Variants in TRUB1 observed in about 807,000 individuals in gnomAD.
TRUB1 encodes pseudouridylate synthase TRUB1.
In TRUB1, 23 loss-of-function variants were observed where a neutral mutation model predicts 33.9. The ratio of observed to expected loss-of-function variants is 0.68; its 90% CI spans 0.49 to 0.96. TRUB1 has a LOEUF of 0.96. TRUB1 is among the 40% of genes least tolerant of loss of function. The probability of loss-of-function intolerance (pLI) is 0.00; values close to 1 mark genes in which losing one functional copy is unlikely to be tolerated. For missense variants in TRUB1, 378 were observed against 422.2 expected (o/e 0.90, Z 0.92); for synonymous variants, 163 against 165.4 (o/e 0.99, Z 0.11).
At chr10:114,955,427 A>G (rs2084257772) in intron 3 of TRUB1, among the ~76,000 whole-genome samples, 2 of 152,226 alleles carry the variant, frequency 1.3e-5, no homozygotes, top group African/African-American at 4.8e-5. Context: ...ACCAGATGGA[A>G]AGGTTATGAA....
intron 4 of TRUB1, among the ~76,000 whole-genome samples, chr10:114,964,901 C>G (rs1188213902): frequency 6.7e-6 from 1 of 149,242 alleles, no homozygotes; most frequent in Non-Finnish European, 1.5e-5. Context: ...GTCCTTCCTG[C>G]TTTATTTCTT....
intron 4 of TRUB1, among the ~76,000 whole-genome samples, chr10:114,963,125 G>GT (rs777049047): frequency 2.0e-4 from 31 of 152,282 alleles, no homozygotes; most frequent in Non-Finnish European, 3.4e-4. Context: ...ACTGGGAGTA[G>GT]TTTTTTCTGT....
chr10:114,951,013 A>G lies in TRUB1; in HGVS notation c.386-81A>G. ...CACTTCACATTACCTAAGCTGGGAA[A>G]TTATGACCAAAAAATATAGCTATTT... is the stretch of plus-strand genomic sequence containing the variant. On this transcript the variant is annotated intron_variant, in intron 2 of 7. Transcript: ENST00000298746. 6 of 1,291,398 alleles carry G rather than the reference A, an allele frequency of 4.6e-6. No individual in the cohort carries two copies. In the South Asian group the frequency reaches 6.3e-5, roughly 14 times the overall value. 80.0% of individuals were successfully genotyped at this position (1,291,398 alleles called of 1,614,324 possible).
chr10:114,940,349 G>A (rs1023645762), intron 1 of TRUB1, among the ~76,000 whole-genome samples: 1 of 152,096 alleles, frequency 6.6e-6, no homozygotes, highest in African/African-American at 2.4e-5. Context: ...TCGAACTCCC[G>A]ACCTCAGGTG....
chr10:114,975,136 T>C lies in TRUB1; in HGVS notation c.807T>C (p.Cys269=). ...VSDIGKELSS[C]ANVLELTRTK... is the part of the protein sequence containing the mutation. ...TTGTTGCCATAGAACTATCTTCCTG[T>C]GCCAATGTGCTAGAGCTGACCCGAA... is the stretch of plus-strand genomic sequence containing the variant. The change falls in exon 8 of 8, where the codon TGT becomes TGC. Residue 269 remains cysteine (C), a synonymous_variant. Coordinates refer to ENST00000298746, the MANE Select transcript of TRUB1 (RefSeq NM_139169.5). 1.9e-6 allele frequency: 3 copies of C among 1,610,760 alleles called. No homozygotes were observed. Among genetic ancestry groups the C allele is most frequent in the Non-Finnish European group, 2.5e-6 (3 of 1,178,814 alleles).
At chr10:114,947,262 C>G (rs1320030651) in intron 2 of TRUB1, among the ~76,000 whole-genome samples, 1 of 152,116 alleles carries the variant, frequency 6.6e-6, no homozygotes, top group Non-Finnish European at 1.5e-5. Context: ...TCAAGCCAAC[C>G]CTTTGATTTT....
chr10:114,964,664 A>G (rs902109276), intron 4 of TRUB1, among the ~76,000 whole-genome samples: 6 of 151,780 alleles, frequency 4.0e-5, no homozygotes, highest in Non-Finnish European at 2.9e-5. Context: ...TTTGCCTTTC[A>G]TGTTCCCTCT....
intron 3 of TRUB1, among the ~76,000 whole-genome samples, chr10:114,952,000 A>G (rs947463665): frequency 6.6e-4 from 101 of 152,350 alleles, no homozygotes; most frequent in African/African-American, 2.3e-3. Context: ...TTCATTGCAG[A>G]CTGATTGATG....
At chr10:114,949,728 T>C (rs1351191914) in intron 2 of TRUB1, among the ~76,000 whole-genome samples, 4 of 152,130 alleles carry the variant, frequency 2.6e-5, no homozygotes, top group East Asian at 3.9e-4. Flanking sequence ...AAAGCCTAGG[T>C]GAGTTAAGGT....
intron 4 of TRUB1, among the ~76,000 whole-genome samples, chr10:114,965,973 A>T (rs986805106): frequency 6.6e-6 from 1 of 152,210 alleles, no homozygotes; most frequent in East Asian, 1.9e-4. Flanking sequence ...CATTACTGCA[A>T]TTCAGTTTGA....
intron 4 of TRUB1, among the ~76,000 whole-genome samples, chr10:114,967,507 A>T (rs934044364): frequency 7.9e-5 from 12 of 152,226 alleles, no homozygotes; most frequent in African/African-American, 2.9e-4. Flanking sequence ...TAAAATTTTA[A>T]GCAAATAATG....
At chr10:114,942,986 T>C (rs905690098) in intron 2 of TRUB1, among the ~76,000 whole-genome samples, 2 of 152,242 alleles carry the variant, frequency 1.3e-5, no homozygotes, top group Non-Finnish European at 2.9e-5. Context: ...TTTCTCTCTG[T>C]GCAGAAAAGA....
intron 3 of TRUB1, among the ~76,000 whole-genome samples, chr10:114,953,331 A>G (rs1372961700): frequency 6.6e-6 from 1 of 152,232 alleles, no homozygotes; most frequent in Non-Finnish European, 1.5e-5. Context: ...TAGGTATTTC[A>G]AAAATAGGCA....
chr10:114,956,786 G>T (rs2084263426), intron 3 of TRUB1, among the ~76,000 whole-genome samples: 1 of 152,110 alleles, frequency 6.6e-6, no homozygotes, highest in African/African-American at 2.4e-5. Flanking sequence ...ACATTTTTCA[G>T]CTTTAATTTC....
chr10:114,972,313 T>C (rs1204075567), intron 6 of TRUB1, 39 bp downstream of exon 6: 1 of 1,558,668 alleles, frequency 6.4e-7, no homozygotes, highest in Non-Finnish European at 8.6e-7. Context: ...TATTTACGTG[T>C]ATTTTTAATT....
chr10:114,938,970 T>G (rs182367441), intron 1 of TRUB1, among the ~76,000 whole-genome samples: 1 of 152,332 alleles, frequency 6.6e-6, no homozygotes, highest in Admixed American at 6.5e-5. Context: ...ATAGTCGTTT[T>G]CACATTTTAA....
chr10:114,938,483 C>A lies in TRUB1; in HGVS notation c.230C>A (p.Pro77His). Residue 77 changes from proline to histidine, a missense_variant, in exon 1 of 8, where the codon CCC (proline) becomes CAC (histidine). Coordinates refer to ENST00000298746, the MANE Select transcript of TRUB1 (RefSeq NM_139169.5). Reference sequence around the variant, plus strand: ...AGCGGCGTGTTCGCCGTGCACAAGCCCAAAGGGCCCACTTCAGCCGAGCTG... The same window carrying A: ...AGCGGCGTGTTCGCCGTGCACAAGCACAAAGGGCCCACTTCAGCCGAGCTG... The part of the protein sequence containing the change: ...SLSGVFAVHK[P>H]KGPTSAELLN... The A allele has an allele frequency of 6.3e-7, 1 of 1,584,070 alleles. No homozygotes were observed. Among genetic ancestry groups the A allele is most frequent in the South Asian group, 1.2e-5 (1 of 86,642 alleles).
chr10:114,965,790 C>G (rs1172961299), intron 4 of TRUB1, among the ~76,000 whole-genome samples: 1 of 151,888 alleles, frequency 6.6e-6, no homozygotes, highest in Non-Finnish European at 1.5e-5. Flanking sequence ...ATAATTTTTT[C>G]TCCTAGGAAT....
chr10:114,949,639 G>T (rs1430194126), intron 2 of TRUB1, among the ~76,000 whole-genome samples: 1 of 152,170 alleles, frequency 6.6e-6, no homozygotes, highest in Non-Finnish European at 1.5e-5. Context: ...TGGTTATGAA[G>T]TGGTATGAAT....
Sources: gnomAD v4.1 joint callset for allele counts (sites outside exome capture counted in the v4.1 genomes callset) on GRCh38, gnomAD v4.1.1 for gene constraint, MANE v1.5 for transcripts, NCBI Gene and HGNC (gene_info 2026-07-23, HGNC 2026-07-21) for gene names.